The following MTFR1 variants were observed in gnomAD, a reference collection of about 807,000 sequenced individuals.
MTFR1 encodes mitochondrial fission regulator 1.
In MTFR1, 28 loss-of-function variants were observed where a neutral mutation model predicts 38.8. That is an observed-to-expected ratio of 0.72 (90% CI 0.53 to 0.99). The LOEUF (loss-of-function observed/expected upper bound fraction) is 0.99. MTFR1 is among the 50% of genes least tolerant of loss of function. MTFR1 has a pLI of 0.00. For synonymous variants in MTFR1, 145 were observed against 137.0 expected (o/e 1.06, Z -0.41); for missense variants, 358 against 395.5 (o/e 0.91, Z 0.81).
At chr8:65,651,741 G>A (rs1308479352) in intron 1 of MTFR1, among the ~76,000 whole-genome samples, 1 of 151,756 alleles carries the variant, frequency 6.6e-6, no homozygotes, top group African/African-American at 2.4e-5. Context: ...TTTTCTTTTT[G>A]CTCAGGATAG....
intron 3 of MTFR1, among the ~76,000 whole-genome samples, chr8:65,755,009 T>C (rs1193399554): frequency 6.9e-6 from 1 of 145,690 alleles, no homozygotes; most frequent in Non-Finnish European, 1.5e-5. Context: ...TGCCTGTTTA[T>C]TTTTTTTTTC....
intron 5 of MTFR1, 28 bp from the exon 6 acceptor site, chr8:65,706,982 T>C: frequency 6.4e-7 from 1 of 1,557,532 alleles, no homozygotes; most frequent in Non-Finnish European, 8.7e-7. Context: ...ACCAGTGGGA[T>C]TAAGTTTGTT....
At chr8:65,723,194 ATTTAT>A (rs1353031719) in intron 3 of MTFR1, 1 of 156,648 alleles carries the variant, frequency 6.4e-6, no homozygotes, top group Non-Finnish European at 1.4e-5. Flanking sequence ...TTTTTATTTT[ATTTAT>A]TTTATTTTTG....
chr8:65,770,511 G>A (rs1191827376), intron 3 of MTFR1, among the ~76,000 whole-genome samples: 2 of 152,144 alleles, frequency 1.3e-5, no homozygotes, highest in Non-Finnish European at 1.5e-5. Flanking sequence ...CTCCCACTGG[G>A]CCCCTCCCAG....
intron 1 of MTFR1, among the ~76,000 whole-genome samples, chr8:65,663,577 A>G (rs912959119): frequency 1.3e-5 from 2 of 151,778 alleles, no homozygotes; most frequent in African/African-American, 4.8e-5. Context: ...ATACTTCACA[A>G]AATAAGATCT....
chr8:65,662,950 A>G (rs375100365), intron 1 of MTFR1, among the ~76,000 whole-genome samples: 6 of 145,726 alleles, frequency 4.1e-5, no homozygotes, highest in Non-Finnish European at 7.5e-5. Flanking sequence ...CGTCCGGGAG[A>G]TGAGGGGCGC....
At chr8:65,745,823 C>A (rs976706303) in intron 3 of MTFR1, among the ~76,000 whole-genome samples, 4 of 152,186 alleles carry the variant, frequency 2.6e-5, no homozygotes, top group Non-Finnish European at 5.9e-5. Context: ...AAATTGCAAA[C>A]AATCTAATAA....
intron 3 of MTFR1, among the ~76,000 whole-genome samples, chr8:65,728,778 C>T (rs1324158159): frequency 7.2e-5 from 11 of 151,984 alleles, no homozygotes; most frequent in Non-Finnish European, 1.6e-4. Context: ...GAATAGACAT[C>T]CTGGGAGAAT....
rs942370390 is a variant in MTFR1 at position 65,741,372 on chromosome 8, T to C, written c.*48+21891T>C. Among the ~76,000 whole-genome samples the C allele has an allele frequency of 5.3e-5, 8 of 152,118 alleles. 1 individual carries two copies. Among genetic ancestry groups the C allele is most frequent in the Admixed American group, 4.6e-4 (7 of 15,276 alleles). On this transcript the variant is annotated intron_variant, in intron 3 of 3. Coordinates refer to the MTFR1 transcript ENST00000521247. ...GTCCCAAATTGAAAATTTATAATAA[T>C]AATATTTATGAAGGATAATAAAGGA...
At chr8:65,689,037 C>T (rs34535034) in intron 3 of MTFR1, among the ~76,000 whole-genome samples, 1,871 of 152,066 alleles carry the variant, frequency 0.012, 23 homozygotes, top group Non-Finnish European at 0.02. Context: ...CTCAGCTACT[C>T]AGGAGGCTGA....
At chr8:65,757,004 C>T (rs1008394402) in intron 3 of MTFR1, among the ~76,000 whole-genome samples, 6 of 152,116 alleles carry the variant, frequency 3.9e-5, no homozygotes, top group Admixed American at 1.3e-4. Flanking sequence ...CCATGCCCTC[C>T]GTAGGTGCAC....
At chr8:65,657,014 C>CT (rs1809287158) in intron 1 of MTFR1, among the ~76,000 whole-genome samples, 2 of 147,866 alleles carry the variant, frequency 1.4e-5, no homozygotes, top group African/African-American at 2.5e-5. Context: ...TATTTATTTA[C>CT]TTATTTTTTT....
At chr8:65,663,849 G>A in intron 1 of MTFR1, among the ~76,000 whole-genome samples, 1 of 135,910 alleles carries the variant, frequency 7.4e-6, no homozygotes, top group South Asian at 2.3e-4. Flanking sequence ...TTTTGAGACG[G>A]AGCCTCACTC....
At position 65,693,772 on chromosome 8, in the gene MTFR1, G is replaced by T; in HGVS notation, c.281+13G>T. 1 of 1,594,748 alleles carries T rather than the reference G, an allele frequency of 6.3e-7. No homozygotes were observed. Among genetic ancestry groups the T allele is most frequent in the East Asian group, 2.2e-5 (1 of 44,782 alleles). On this transcript the variant is annotated intron_variant, in intron 4 of 7. Transcript: ENST00000262146. ...CAGCAAGACTAAGGTTAGTTTGGAA[G>T]GCTATCAGAACTGAGATGCAATATC...
In MTFR1 at chr8:65,709,040, C is replaced by T. The variant is rs755576431; in HGVS notation, c.998C>T (p.Ser333Phe). The T allele has an allele frequency of 5.0e-6, 8 of 1,613,852 alleles. No individual in the cohort carries two copies. The highest frequency in any genetic ancestry group is 2.2e-5 in the South Asian group (2 of 91,066). ...MKALIENVSD[S>F] is the part of the protein sequence containing the mutation. ...GCTTTAATTGAAAATGTATCAGACT[C>T]CTAATAGACAATGAGCTGCGAAAAG... Residue 333 changes from serine to phenylalanine, a missense_variant, in exon 8 of 8, where the codon TCC becomes TTC. Transcript: ENST00000262146.
At chr8:65,699,888 C>T (rs1805559708) in intron 4 of MTFR1, among the ~76,000 whole-genome samples, 1 of 152,144 alleles carries the variant, frequency 6.6e-6, no homozygotes, top group Admixed American at 6.5e-5. Flanking sequence ...TGAAGCTCTT[C>T]AATATATTTC....
At chr8:65,649,129 C>T (rs886484104) in intron 1 of MTFR1, among the ~76,000 whole-genome samples, 9 of 151,872 alleles carry the variant, frequency 5.9e-5, no homozygotes, top group Non-Finnish European at 1.2e-4. Flanking sequence ...CAGATGACTT[C>T]AAGTATATGG....
At chr8:65,673,121 T>G (rs1327147605) in intron 2 of MTFR1, among the ~76,000 whole-genome samples, 1 of 152,188 alleles carries the variant, frequency 6.6e-6, no homozygotes, top group African/African-American at 2.4e-5. Context: ...TAACTTTTGA[T>G]TTAAAGTGAG....
chr8:65,752,421 G>A (rs1485747474), intron 3 of MTFR1, among the ~76,000 whole-genome samples: 1 of 151,920 alleles, frequency 6.6e-6, no homozygotes, highest in Non-Finnish European at 1.5e-5. Flanking sequence ...TTTTTTTTCA[G>A]TAGTCTTTTG....
Sources: gnomAD v4.1 joint callset for allele counts (sites outside exome capture counted in the v4.1 genomes callset) on GRCh38, gnomAD v4.1.1 for gene constraint, MANE v1.5 for transcripts, NCBI Gene and HGNC (gene_info 2026-07-23, HGNC 2026-07-21) for gene names.